The following GRIA4 variants were observed in gnomAD, a reference collection of about 807,000 sequenced individuals.
GRIA4 encodes the protein glutamate receptor 4.
A neutral mutation model predicts 104.0 loss-of-function variants in GRIA4; 34 were observed. The observed-to-expected ratio is 0.33, with a 90% CI of 0.25 to 0.44. The LOEUF (loss-of-function observed/expected upper bound fraction) is 0.44. GRIA4 is among the 20% of genes least tolerant of loss of function. The probability of loss-of-function intolerance (pLI) is 1.00; values close to 1 mark genes in which losing one functional copy is unlikely to be tolerated. For missense variants in GRIA4, 750 were observed against 1,096.5 expected (o/e 0.68, Z 4.46); for synonymous variants, 386 against 381.9 (o/e 1.01, Z -0.13).
At chr11:105,813,107 A>G (rs1402241860) in intron 4 of GRIA4, among the ~76,000 whole-genome samples, 1 of 151,146 alleles carries the variant, frequency 6.6e-6, no homozygotes, top group Non-Finnish European at 1.5e-5. Context: ...AAAAAAAAAA[A>G]AAAAAAAAGA....
rs60005308 is a variant in GRIA4 at position 105,911,775 on chromosome 11, AATATATATATATATATATATATAT to A, written c.1269+1241_1269+1264del. On this transcript the variant is annotated intron_variant, in intron 10 of 16. Transcript: ENST00000282499. ...AATATTTGCATGGGACTTGAAAAGC[AATATATATATATATATATATATAT>A]ATATATATATGTTTCTTTTCCTAAA... 25 of 72,680 alleles carry A rather than the reference AATATATATATATATATATATATAT, an allele frequency of 3.4e-4. 7 individuals are homozygous for A. The highest frequency in any genetic ancestry group is 5.8e-3 in the Middle Eastern group (1 of 172). The allele number at this position is 72,680 out of a possible 1,614,324, so 4.5% of individuals were successfully genotyped here. A position where few individuals can be genotyped will look rare whatever the true frequency, so the allele number is the denominator to read the frequency against.
chr11:105,652,888 G>A (rs182077932), intron 3 of GRIA4, among the ~76,000 whole-genome samples: 3 of 152,014 alleles, frequency 2.0e-5, no homozygotes, highest in Admixed American at 6.6e-5. Flanking sequence ...TAGGAACCTC[G>A]GCATACATTT....
intron 4 of GRIA4, among the ~76,000 whole-genome samples, chr11:105,810,250 GA>G (rs1462768310): frequency 6.6e-6 from 1 of 152,166 alleles, no homozygotes; most frequent in African/African-American, 2.4e-5. Flanking sequence ...ATAATAGCAT[GA>G]CAGCCTTGTT....
At chr11:105,828,678 A>G (rs1044162086) in intron 4 of GRIA4, among the ~76,000 whole-genome samples, 1 of 150,618 alleles carries the variant, frequency 6.6e-6, no homozygotes, top group East Asian at 1.9e-4. Context: ...AAAAAAAAAG[A>G]GTATGAGGCT....
chr11:105,842,646 G>C (rs542478955), intron 4 of GRIA4: 1 of 152,256 alleles, frequency 6.6e-6, no homozygotes, highest in East Asian at 1.9e-4. Flanking sequence ...TAGATCACGA[G>C]ATAATCATAT....
chr11:105,927,872 A>G (rs1299423632), intron 13 of GRIA4, among the ~76,000 whole-genome samples: 2 of 152,010 alleles, frequency 1.3e-5, no homozygotes, highest in Non-Finnish European at 2.9e-5. Flanking sequence ...CACATTTTAT[A>G]TTTATGTCAA....
chr11:105,868,147 A>C lies in GRIA4; in HGVS notation c.672+5939A>C, dbSNP rs1227911893. Among the ~76,000 whole-genome samples, 13 of 152,226 alleles carry C rather than the reference A, an allele frequency of 8.5e-5. 1 individual carries two copies. Among genetic ancestry groups the C allele is most frequent in the Admixed American group, 7.9e-4 (12 of 15,268 alleles). On this transcript the variant is annotated intron_variant, in intron 5 of 16. Transcript: ENST00000282499. The stretch of plus-strand genomic sequence containing the variant: ...TGGGGTAACTAAGTATAATCAAGGC[A>C]GTCCCAAATGTTTCACAGAGAAAAG...
chr11:105,912,713 A>G, intron 10 of GRIA4: 2 of 956,962 alleles, frequency 2.1e-6, no homozygotes, highest in Non-Finnish European at 2.5e-6. Flanking sequence ...TCGTTCAGTA[A>G]TTCAAAAAGA....
At chr11:105,630,299 C>T (rs1005679466) in intron 3 of GRIA4, among the ~76,000 whole-genome samples, 13 of 152,232 alleles carry the variant, frequency 8.5e-5, no homozygotes, top group Non-Finnish European at 1.8e-4. Flanking sequence ...GGCACAGTGG[C>T]TCATGCCTGT....
At chr11:105,779,377 T>C (rs1184611644) in intron 4 of GRIA4, among the ~76,000 whole-genome samples, 2 of 152,154 alleles carry the variant, frequency 1.3e-5, no homozygotes, top group African/African-American at 4.8e-5. Context: ...AGGTAATTTA[T>C]AGATTCAATG....
chr11:105,846,077 CAATA>C (rs1944582443), intron 4 of GRIA4, among the ~76,000 whole-genome samples: 1 of 152,048 alleles, frequency 6.6e-6, no homozygotes, highest in South Asian at 2.1e-4. Flanking sequence ...AATAACTGAT[CAATA>C]AATATTTATG....
intron 4 of GRIA4, among the ~76,000 whole-genome samples, chr11:105,833,140 G>A (rs1278620395): frequency 6.6e-6 from 1 of 151,772 alleles, no homozygotes. Context: ...GTATTTCTAT[G>A]CAGTTTTCCT....
intron 5 of GRIA4, among the ~76,000 whole-genome samples, chr11:105,884,668 T>C (rs1565314624): frequency 1.3e-5 from 2 of 152,182 alleles, no homozygotes; most frequent in African/African-American, 2.4e-5. Context: ...TTGATGCATA[T>C]GGAGCTCTGC....
At chr11:105,858,389 A>G (rs1945094569) in intron 4 of GRIA4, among the ~76,000 whole-genome samples, 2 of 152,138 alleles carry the variant, frequency 1.3e-5, no homozygotes, top group Non-Finnish European at 2.9e-5. Flanking sequence ...GGTACATAGT[A>G]GCTGTGTATA....
At chr11:105,789,152 T>C (rs1410652660) in intron 4 of GRIA4, among the ~76,000 whole-genome samples, 1 of 152,082 alleles carries the variant, frequency 6.6e-6, no homozygotes, top group East Asian at 1.9e-4. Flanking sequence ...ATAAATTTTA[T>C]AGCATCACAG....
intron 4 of GRIA4, among the ~76,000 whole-genome samples, chr11:105,833,478 T>G (rs1944058686): frequency 6.6e-6 from 1 of 151,954 alleles, no homozygotes; most frequent in Non-Finnish European, 1.5e-5. Context: ...GATGGTAGGA[T>G]GGAAATAATT....
At chr11:105,880,018 A>G (rs950754686) in intron 5 of GRIA4, among the ~76,000 whole-genome samples, 1 of 152,292 alleles carries the variant, frequency 6.6e-6, no homozygotes, top group Middle Eastern at 3.4e-3. Context: ...TATGAAAGGA[A>G]GGAATTACCC....
At chr11:105,765,595 A>G (rs1940896898) in intron 4 of GRIA4, among the ~76,000 whole-genome samples, 1 of 152,202 alleles carries the variant, frequency 6.6e-6, no homozygotes, top group Non-Finnish European at 1.5e-5. Flanking sequence ...TAAACTTCAA[A>G]TCTTCCTGGG....
intron 4 of GRIA4, among the ~76,000 whole-genome samples, chr11:105,841,418 T>C (rs1424815129): frequency 1.3e-5 from 2 of 152,172 alleles, no homozygotes; most frequent in Non-Finnish European, 2.9e-5. Context: ...TGATTGGCAC[T>C]CCTTCACAGC....
Sources: allele counts gnomAD v4.1 joint callset (sites outside exome capture counted in the v4.1 genomes callset), GRCh38; gene constraint gnomAD v4.1.1; transcripts MANE v1.5; gene names NCBI Gene and HGNC (gene_info 2026-07-23, HGNC 2026-07-21).